Variants in SEMA3A observed in about 807,000 individuals in gnomAD.
SEMA3A encodes semaphorin 3A.
Under a neutral mutation model 97.9 loss-of-function variants are expected in SEMA3A, and 29 were observed. That is an observed-to-expected ratio of 0.30 (90% CI 0.22 to 0.40). SEMA3A has a LOEUF of 0.40. SEMA3A is among the 10% of genes least tolerant of loss of function. The pLI is 1.00. For missense variants in SEMA3A, 763 were observed against 951.3 expected (o/e 0.80, Z 2.60); for synonymous variants, 321 against 323.7 (o/e 0.99, Z 0.09).
chr7:84,036,939 T>G (rs1450445642), intron 6 of SEMA3A, among the ~76,000 whole-genome samples: 1 of 152,138 alleles, frequency 6.6e-6, no homozygotes, highest in Non-Finnish European at 1.5e-5. Flanking sequence ...AACCTTTGGA[T>G]AGGAGACTAT....
chr7:84,034,010 G>A (rs1791855691), intron 6 of SEMA3A, among the ~76,000 whole-genome samples: 1 of 150,830 alleles, frequency 6.6e-6, no homozygotes, highest in South Asian at 2.1e-4. Context: ...CCTAGGCAGA[G>A]TTTTACTCTG....
chr7:84,333,874 G>GCCACAGTACGTTGTGTT (rs1562907390), intron 2 of SEMA3A, among the ~76,000 whole-genome samples: 1 of 151,862 alleles, frequency 6.6e-6, no homozygotes, highest in African/African-American at 2.4e-5. Context: ...TTTTGAATTT[G>GCCACAGTACGTTGTGTT]CCATTGCCAG....
chr7:84,343,914 G>A (rs1584252746), intron 2 of SEMA3A, among the ~76,000 whole-genome samples: 1 of 151,966 alleles, frequency 6.6e-6, no homozygotes, highest in Non-Finnish European at 1.5e-5. Context: ...GCTGAGATGC[G>A]AGGATCACTT....
rs114006362 is a variant in SEMA3A at position 84,257,980 on chromosome 7, C to G, written c.-83+49227G>C. The stretch of plus-strand genomic sequence containing the variant: ...GTTTCTTACTTTTTCTGTGACAAGT[C>G]AAATGTTATTGCAAATACTCATGTG... On this transcript the variant is annotated intron_variant, in intron 3 of 3. Coordinates refer to the SEMA3A transcript ENST00000424555. 9.8e-3 allele frequency among the ~76,000 whole-genome samples: 1,496 copies of G among 152,140 alleles called. 21 individuals are homozygous for G. Among genetic ancestry groups the G allele is most frequent in the African/African-American group, 0.033 (1,384 of 41,512 alleles).
At chr7:84,301,390 A>C (rs556204027) in intron 3 of SEMA3A, among the ~76,000 whole-genome samples, 1 of 152,164 alleles carries the variant, frequency 6.6e-6, no homozygotes, top group African/African-American at 2.4e-5. Flanking sequence ...ATAATTCAAT[A>C]ATAAGGCCAG....
At chr7:84,174,699 T>A (rs1797505949) in intron 1 of SEMA3A, among the ~76,000 whole-genome samples, 1 of 152,208 alleles carries the variant, frequency 6.6e-6, no homozygotes, top group Non-Finnish European at 1.5e-5. Flanking sequence ...ATCCAAATCA[T>A]GTATTAAATA....
intron 3 of SEMA3A, among the ~76,000 whole-genome samples, chr7:84,294,573 C>T (rs764307209): frequency 2.0e-5 from 3 of 152,134 alleles, no homozygotes; most frequent in African/African-American, 4.8e-5. Context: ...GCCATTTTAG[C>T]ACTTAACATA....
chr7:83,980,289 G>C (rs936284224), intron 14 of SEMA3A, among the ~76,000 whole-genome samples: 35 of 152,040 alleles, frequency 2.3e-4, no homozygotes, highest in African/African-American at 6.0e-4. Flanking sequence ...GTATTATCAA[G>C]AGTATGTTTA....
At chr7:84,223,862 T>C (rs1030168976) in intron 3 of SEMA3A, among the ~76,000 whole-genome samples, 1 of 151,834 alleles carries the variant, frequency 6.6e-6, no homozygotes, top group Non-Finnish European at 1.5e-5. Context: ...GAGAAAACCT[T>C]ACGGCTTATA....
intron 1 of SEMA3A, among the ~76,000 whole-genome samples, chr7:84,180,652 C>A (rs1230695580): frequency 6.6e-6 from 1 of 152,052 alleles, no homozygotes; most frequent in Non-Finnish European, 1.5e-5. Context: ...TGTGCCACTG[C>A]AGTCCAGCCT....
At chr7:84,268,256 T>A (rs1274037109) in intron 3 of SEMA3A, among the ~76,000 whole-genome samples, 1 of 137,780 alleles carries the variant, frequency 7.3e-6, no homozygotes, top group Non-Finnish European at 1.5e-5. Flanking sequence ...AGCATGTGTG[T>A]GTGTGTGTGT....
intron 2 of SEMA3A, among the ~76,000 whole-genome samples, chr7:84,324,943 T>C (rs986136988): frequency 1.3e-5 from 2 of 152,102 alleles, no homozygotes; most frequent in African/African-American, 2.4e-5. Context: ...TGCAATCCAC[T>C]CCATCCGTCA....
intron 2 of SEMA3A, among the ~76,000 whole-genome samples, chr7:84,350,484 A>C (rs1025142543): frequency 6.6e-6 from 1 of 152,172 alleles, no homozygotes; most frequent in African/African-American, 2.4e-5. Context: ...ATACAATTTG[A>C]CATGCATTCT....
chr7:84,114,673 T>C (rs752473777), intron 3 of SEMA3A, among the ~76,000 whole-genome samples: 1 of 152,142 alleles, frequency 6.6e-6, no homozygotes, highest in Non-Finnish European at 1.5e-5. Flanking sequence ...ACTGGAATCT[T>C]CGTGCCAAAG....
chr7:84,038,662 C>T (rs1055453928), intron 6 of SEMA3A, among the ~76,000 whole-genome samples: 2 of 151,858 alleles, frequency 1.3e-5, no homozygotes, highest in Non-Finnish European at 2.9e-5. Context: ...AAAATTTAAA[C>T]GTTAAACTGT....
chr7:84,463,844 T>C (rs995179425), intron 1 of SEMA3A, among the ~76,000 whole-genome samples: 5 of 152,176 alleles, frequency 3.3e-5, no homozygotes, highest in South Asian at 2.1e-4. Flanking sequence ...ACTTTATTCC[T>C]AACATATATT....
At chr7:84,152,870 C>T (rs987179353) in intron 1 of SEMA3A, among the ~76,000 whole-genome samples, 1 of 151,790 alleles carries the variant, frequency 6.6e-6, no homozygotes, top group Non-Finnish European at 1.5e-5. Flanking sequence ...AATGCTATTG[C>T]ATTTAAACGT....
At chr7:84,146,575 C>T (rs193027542) in intron 1 of SEMA3A, among the ~76,000 whole-genome samples, 1 of 152,240 alleles carries the variant, frequency 6.6e-6, no homozygotes, top group African/African-American at 2.4e-5. Flanking sequence ...TTAATTTTTA[C>T]TTCTTGAGGG....
chr7:84,487,005 A>G (rs1806590845), intron 1 of SEMA3A, among the ~76,000 whole-genome samples: 1 of 152,146 alleles, frequency 6.6e-6, no homozygotes, highest in Non-Finnish European at 1.5e-5. Flanking sequence ...TAATAAAACA[A>G]AAGTGAAGTT....
Sources: allele counts gnomAD v4.1 joint callset (sites outside exome capture counted in the v4.1 genomes callset), GRCh38; gene constraint gnomAD v4.1.1; transcripts MANE v1.5; gene names NCBI Gene and HGNC (gene_info 2026-07-23, HGNC 2026-07-21).